The following CSMD1 variants were observed in gnomAD, a reference collection of about 807,000 sequenced individuals.
The protein encoded by CSMD1 is CUB and Sushi multiple domains 1.
In CSMD1, 213 loss-of-function variants were observed where a neutral mutation model predicts 417.5. The ratio of observed to expected loss-of-function variants is 0.51; its 90% CI spans 0.46 to 0.57. The LOEUF (loss-of-function observed/expected upper bound fraction) is 0.57. Among genes scored for constraint, CSMD1 ranks in the 20% least tolerant of loss-of-function variants. The pLI, the probability that CSMD1 is intolerant of heterozygous loss-of-function variation, is 0.00. For synonymous variants in CSMD1, 2,862 were observed against 1,736.8 expected, an observed-to-expected ratio of 1.65 and a Z score of -16.11; for missense variants, 6,923 against 4,529.7, an observed-to-expected ratio of 1.53 and a Z score of -15.17.
In CSMD1 at chr8:3,171,645, G is replaced by A. The variant is rs572033928; in HGVS notation, c.5726-9368C>T. Among the ~76,000 whole-genome samples the A allele has an allele frequency of 3.3e-5, 5 of 152,198 alleles. No individual in the cohort carries two copies. The East Asian group carries it at 9.7e-4, about 29-fold the overall frequency. On this transcript the variant is annotated intron_variant, in intron 37 of 69. Coordinates refer to ENST00000635120, the MANE Select transcript of CSMD1 (RefSeq NM_033225.6). ...TTTTAACATCCAAGACATAAATTTGGTAGAAAAACATCATGAATTCTAAAG... is the reference window on the plus strand; with the variant it reads ...TTTTAACATCCAAGACATAAATTTGATAGAAAAACATCATGAATTCTAAAG...
chr8:3,302,657 G>C (rs572838898), intron 25 of CSMD1, among the ~76,000 whole-genome samples: 2 of 152,290 alleles, frequency 1.3e-5, no homozygotes, highest in East Asian at 3.9e-4. Context: ...GGCACCCTGT[G>C]AGCAGTCACC....
intron 10 of CSMD1, among the ~76,000 whole-genome samples, chr8:3,568,743 A>C (rs1051584005): frequency 6.6e-6 from 1 of 152,118 alleles, no homozygotes; most frequent in Non-Finnish European, 1.5e-5. Flanking sequence ...ACACATATAT[A>C]TATGTATGCA....
rs571520985 is a variant in CSMD1 at position 3,439,174 on chromosome 8, G to GA, written c.1561+29537dup. On this transcript the variant is annotated intron_variant, in intron 12 of 69. Transcript: ENST00000635120. ...AAAACCAAGAAAAAAAAAAGAAAAAGAAAAAAATTGCCAAACTGTTTAAAA... is the reference window on the plus strand; with the variant it reads ...AAAACCAAGAAAAAAAAAAGAAAAAGAAAAAAAATTGCCAAACTGTTTAAAA... Among the ~76,000 whole-genome samples the GA allele has an allele frequency of 5.2e-3, 246 of 47,380 alleles. 5 individuals carry two copies. Among genetic ancestry groups the GA allele is most frequent in the African/African-American group, 0.017 (214 of 12,858 alleles). The allele number at this position is 47,380 out of a possible 152,430, so 31.1% of individuals were successfully genotyped here.
chr8:3,755,985 A>G (rs1011007972), intron 5 of CSMD1, among the ~76,000 whole-genome samples: 1 of 151,980 alleles, frequency 6.6e-6, no homozygotes, highest in Admixed American at 6.6e-5. Context: ...CCTAATACGG[A>G]GAATGTCTAA....
intron 10 of CSMD1, among the ~76,000 whole-genome samples, chr8:3,527,507 G>A (rs1488602845): frequency 6.6e-6 from 1 of 152,122 alleles, no homozygotes; most frequent in Non-Finnish European, 1.5e-5. Flanking sequence ...AGGTCTGCCT[G>A]GTGAGGGAGC....
intron 2 of CSMD1, among the ~76,000 whole-genome samples, chr8:4,434,987 T>C (rs1197816945): frequency 1.3e-5 from 2 of 152,220 alleles, no homozygotes; most frequent in African/African-American, 2.4e-5. Context: ...CTAACTCATA[T>C]TTTGCATACT....
At chr8:3,989,710 C>G (rs2627381) in intron 5 of CSMD1, among the ~76,000 whole-genome samples, 35,283 of 152,076 alleles carry the variant, frequency 0.23, 4,855 homozygotes, top group Admixed American at 0.35. Flanking sequence ...ATCAGAAGAA[C>G]TTAGATACTT....
intron 23 of CSMD1, among the ~76,000 whole-genome samples, chr8:3,324,556 A>C (rs1806393462): frequency 6.8e-6 from 1 of 147,334 alleles, no homozygotes; most frequent in African/African-American, 2.5e-5. Flanking sequence ...CGTCACTGTT[A>C]AAATAGACAC....
rs143518682 is a variant in CSMD1, at chr8:3,853,332, C to G, written c.819-99290G>C. 1.3e-5 allele frequency among the ~76,000 whole-genome samples: 2 copies of G among 152,282 alleles called. 1 individual carries two copies. Among genetic ancestry groups the G allele is most frequent in the South Asian group, 4.1e-4 (2 of 4,822 alleles). On this transcript the variant is annotated intron_variant, in intron 5 of 69. Transcript: ENST00000635120. ...TCTTCTCACCTGACACTTATTATTT[C>G]ATAACATGCTCCACAATTTACTTTA... is the stretch of plus-strand genomic sequence containing the variant.
chr8:4,749,917 A>G (rs1408469064), intron 1 of CSMD1, among the ~76,000 whole-genome samples: 1 of 152,100 alleles, frequency 6.6e-6, no homozygotes, highest in Admixed American at 6.6e-5. Flanking sequence ...TAGATTGTCA[A>G]GCGCCACTAA....
chr8:3,415,657 G>A (rs1051141429), intron 12 of CSMD1, among the ~76,000 whole-genome samples: 3 of 152,152 alleles, frequency 2.0e-5, no homozygotes, highest in Non-Finnish European at 2.9e-5. Flanking sequence ...ATTGTGCCTG[G>A]CCTTGTATGT....
intron 1 of CSMD1, among the ~76,000 whole-genome samples, chr8:4,923,989 A>G (rs7845501): frequency 0.023 from 3,452 of 152,266 alleles, 97 homozygotes; most frequent in African/African-American, 0.067. Flanking sequence ...ATAGTTTAAG[A>G]AAGTTTTATA....
chr8:4,139,395 T>C (rs1279835841), intron 3 of CSMD1, among the ~76,000 whole-genome samples: 3 of 152,090 alleles, frequency 2.0e-5, no homozygotes, highest in Non-Finnish European at 4.4e-5. Flanking sequence ...TGCTTTTAAG[T>C]GAACATTGCT....
At chr8:4,610,297 G>C (rs1005197426) in intron 2 of CSMD1, among the ~76,000 whole-genome samples, 5 of 152,186 alleles carry the variant, frequency 3.3e-5, no homozygotes, top group African/African-American at 1.2e-4. Context: ...ATGAAATTGA[G>C]CAATATCCCT....
chr8:4,383,094 C>T (rs952774345), intron 3 of CSMD1, among the ~76,000 whole-genome samples: 1 of 152,142 alleles, frequency 6.6e-6, no homozygotes, highest in South Asian at 2.1e-4. Flanking sequence ...GCAATGCTAT[C>T]ATCCTCTATT....
intron 5 of CSMD1, among the ~76,000 whole-genome samples, chr8:3,892,930 T>A (rs2129128293): frequency 6.6e-6 from 1 of 150,598 alleles, no homozygotes; most frequent in South Asian, 2.1e-4. Flanking sequence ...TCTGTGAAAT[T>A]AACTTGAAGG....
intron 7 of CSMD1, among the ~76,000 whole-genome samples, chr8:3,619,549 T>A (rs79390836): frequency 0.028 from 4,289 of 152,162 alleles, 191 homozygotes; most frequent in African/African-American, 0.097. Flanking sequence ...TAAAGGAATA[T>A]AAACTTTCCA....
At chr8:3,644,603 A>T (rs1797481265) in intron 7 of CSMD1, among the ~76,000 whole-genome samples, 1 of 152,128 alleles carries the variant, frequency 6.6e-6, no homozygotes. Context: ...AAAGGAATGA[A>T]CGGGATAAGA....
At chr8:3,508,100 G>A (rs554678932) in intron 10 of CSMD1, among the ~76,000 whole-genome samples, 37 of 152,172 alleles carry the variant, frequency 2.4e-4, no homozygotes, top group Admixed American at 9.2e-4. Flanking sequence ...TGTCCTGAAT[G>A]GTATTGCCTA....
Sources: gnomAD v4.1 joint callset for allele counts (sites outside exome capture counted in the v4.1 genomes callset) on GRCh38, gnomAD v4.1.1 for gene constraint, MANE v1.5 for transcripts, NCBI Gene and HGNC (gene_info 2026-07-23, HGNC 2026-07-21) for gene names.